Variants in BCAT1 observed in about 807,000 individuals in gnomAD.
BCAT1 encodes the protein branched-chain-amino-acid aminotransferase, cytosolic.
BCAT1 carries 48 observed loss-of-function variants against 52.4 expected under a neutral mutation model. The ratio of observed to expected loss-of-function variants is 0.92; its 90% confidence interval spans 0.73 to 1.16. BCAT1 has a LOEUF of 1.16. Ranked by LOEUF, BCAT1 falls within the 50% of genes most tolerant of loss-of-function variation. The probability of loss-of-function intolerance (pLI) is 0.00; values close to 1 mark genes in which losing one functional copy is unlikely to be tolerated. For missense variants in BCAT1, 451 were observed against 457.1 expected (o/e 0.99, Z 0.12); for synonymous variants, 167 against 161.3 (o/e 1.04, Z -0.27).
chr12:24,855,460 A>G (rs1410119956), intron 5 of BCAT1, among the ~76,000 whole-genome samples: 1 of 152,124 alleles, frequency 6.6e-6, no homozygotes, highest in Non-Finnish European at 1.5e-5. Context: ...GGCTCACTGC[A>G]ACCTCCACCT....
At chr12:24,872,515 G>A (rs934827960) in intron 5 of BCAT1, among the ~76,000 whole-genome samples, 1 of 152,160 alleles carries the variant, frequency 6.6e-6, no homozygotes, top group Non-Finnish European at 1.5e-5. Context: ...ATCCAATGCT[G>A]GTATTAACTA....
intron 5 of BCAT1, among the ~76,000 whole-genome samples, chr12:24,869,902 T>A (rs536473896): frequency 5.7e-4 from 87 of 152,202 alleles, no homozygotes; most frequent in Non-Finnish European, 1.1e-3. Context: ...GTTTTAAAAT[T>A]TTTGAGTAGT....
intron 5 of BCAT1, among the ~76,000 whole-genome samples, chr12:24,858,234 G>T (rs572479937): frequency 1.6e-4 from 24 of 152,128 alleles, no homozygotes; most frequent in Non-Finnish European, 2.5e-4. Context: ...GTGTATTTTT[G>T]TGTGTTGTAT....
intron 1 of BCAT1, among the ~76,000 whole-genome samples, chr12:24,923,165 CATT>C (rs1352969277): frequency 6.6e-6 from 1 of 152,188 alleles, no homozygotes; most frequent in Non-Finnish European, 1.5e-5. Context: ...GCAGAAACTT[CATT>C]GTTTGTACAA....
chr12:24,930,879 C>T (rs1943665727), intron 1 of BCAT1, among the ~76,000 whole-genome samples: 1 of 148,484 alleles, frequency 6.7e-6, no homozygotes, highest in Non-Finnish European at 1.5e-5. Flanking sequence ...GCACTGAAGC[C>T]TCAGTGGAAC....
chr12:24,947,654 C>A (rs1371562291), intron 1 of BCAT1, among the ~76,000 whole-genome samples: 2 of 152,174 alleles, frequency 1.3e-5, no homozygotes. Flanking sequence ...TTACCTAGTT[C>A]CCCATGTTAT....
intron 7 of BCAT1, among the ~76,000 whole-genome samples, chr12:24,836,930 GA>G (rs1172361784): frequency 3.1e-5 from 3 of 98,282 alleles, no homozygotes; most frequent in Non-Finnish European, 6.7e-5. Flanking sequence ...AAGAAAGAAA[GA>G]AAGAAAGAAA....
At chr12:24,827,487 T>C (rs887709909) in intron 10 of BCAT1, among the ~76,000 whole-genome samples, 1 of 152,180 alleles carries the variant, frequency 6.6e-6, no homozygotes, top group African/African-American at 2.4e-5. Flanking sequence ...TGGCAGCTCA[T>C]TGATTAAAAA....
chr12:24,841,730 C>T (rs1941179580), intron 7 of BCAT1, among the ~76,000 whole-genome samples: 3 of 151,822 alleles, frequency 2.0e-5, no homozygotes, highest in Admixed American at 2.0e-4. Context: ...TGGTGAAACC[C>T]TATCTCTACT....
chr12:24,923,566 C>T (rs1943533186), intron 1 of BCAT1, among the ~76,000 whole-genome samples: 1 of 152,292 alleles, frequency 6.6e-6, no homozygotes, highest in Admixed American at 6.5e-5. Flanking sequence ...ACCACCATGC[C>T]TGGCTAATTT....
intron 2 of BCAT1, among the ~76,000 whole-genome samples, chr12:24,895,590 AC>A (rs1942942681): frequency 1.3e-5 from 2 of 151,894 alleles, no homozygotes; most frequent in Admixed American, 6.6e-5. Flanking sequence ...AAGAGAAGGA[AC>A]TTTTTGATCA....
chr12:24,817,865 A>T lies in BCAT1; in HGVS notation c.*143T>A, dbSNP rs1939938419. On this transcript the variant is annotated 3_prime_UTR_variant, in exon 11 of 11. Coordinates refer to ENST00000261192, the MANE Select transcript of BCAT1 (RefSeq NM_005504.7). ...TTCATTTTCTCTGGCATGAAGAAAC[A>T]ATCACTCTTGTAACACATTGATACT... The T allele has an allele frequency of 1.3e-6, 1 of 797,428 alleles. No individual in the cohort carries two copies. Among genetic ancestry groups the T allele is most frequent in the Non-Finnish European group, 2.0e-6 (1 of 498,658 alleles). 49.4% of individuals were successfully genotyped at this position (797,428 alleles called of 1,614,324 possible).
chr12:24,891,375 G>A (rs901903337), intron 3 of BCAT1, among the ~76,000 whole-genome samples: 3 of 152,100 alleles, frequency 2.0e-5, no homozygotes, highest in Non-Finnish European at 2.9e-5. Context: ...AGCACCATAT[G>A]AGTTAGGAAG....
intron 5 of BCAT1, among the ~76,000 whole-genome samples, chr12:24,856,658 C>T (rs1465578409): frequency 1.3e-5 from 2 of 152,204 alleles, no homozygotes; most frequent in African/African-American, 4.8e-5. Context: ...CAGGCACCCT[C>T]ATCTTGGACT....
chr12:24,864,922 C>T (rs1470463382), intron 5 of BCAT1, among the ~76,000 whole-genome samples: 1 of 152,176 alleles, frequency 6.6e-6, no homozygotes, highest in Non-Finnish European at 1.5e-5. Flanking sequence ...GCCACAGCTG[C>T]TTGTGGTTTC....
At chr12:24,926,300 G>C (rs1465865279) in intron 1 of BCAT1, among the ~76,000 whole-genome samples, 1 of 152,056 alleles carries the variant, frequency 6.6e-6, no homozygotes, top group Non-Finnish European at 1.5e-5. Context: ...GAAGTAAAGA[G>C]CCCCTCCGCC....
chr12:24,870,928 C>G (rs1272768164), intron 5 of BCAT1, among the ~76,000 whole-genome samples: 1 of 152,002 alleles, frequency 6.6e-6, no homozygotes, highest in East Asian at 1.9e-4. Flanking sequence ...GAGGCTGAGG[C>G]AGGAGAATCG....
chr12:24,844,698 C>T (rs1289925352), intron 6 of BCAT1, among the ~76,000 whole-genome samples: 1 of 148,870 alleles, frequency 6.7e-6, no homozygotes, highest in Non-Finnish European at 1.5e-5. Flanking sequence ...GAGATTGAGA[C>T]CATCCTGGCT....
rs12581783 is a variant in BCAT1 at position 24,907,653 on chromosome 12, T to C, written c.7-5768A>G. On this transcript the variant is annotated intron_variant, in intron 1 of 10. Coordinates refer to ENST00000261192, the MANE Select transcript of BCAT1 (RefSeq NM_005504.7). ...ACCCTTGTGAATGCACTTTGTATGA[T>C]ACACCCTCCCCACCCTTGAGAAGGT... 1.8e-4 allele frequency among the ~76,000 whole-genome samples: 27 copies of C among 152,344 alleles called. No homozygotes were observed. The East Asian group carries it at 5.2e-3, about 29-fold the overall frequency.
Sources: gnomAD v4.1 joint callset for allele counts (sites outside exome capture counted in the v4.1 genomes callset) on GRCh38, gnomAD v4.1.1 for gene constraint, MANE v1.5 for transcripts, NCBI Gene and HGNC (gene_info 2026-07-23, HGNC 2026-07-21) for gene names.